MYO3B: variants seen among roughly 807,000 people sequenced by gnomAD.
The protein encoded by MYO3B is myosin IIIB.
MYO3B carries 156 observed loss-of-function variants against 174.6 expected under a neutral mutation model. The observed-to-expected ratio is 0.89, with a 90% CI of 0.78 to 1.02. The LOEUF is 1.02. Among genes scored for constraint, MYO3B ranks in the 50% least tolerant of loss-of-function variants. The pLI is 0.00. For missense variants in MYO3B, 1,632 were observed against 1,639.4 expected (o/e 1.00, Z 0.08); for synonymous variants, 563 against 569.1 (o/e 0.99, Z 0.15).
rs1318548110 is a variant in MYO3B, at chr2:170,231,817, GAT to G, written c.604-4172_604-4171del. ...TGGCAGTGTTAGCCTCTCAGTTTGA[GAT>G]ACTACCCAAAGATCACTTACTTGGA... is the stretch of plus-strand genomic sequence containing the variant. On this transcript the variant is annotated intron_variant, in intron 6 of 34. Coordinates refer to ENST00000408978, the MANE Select transcript of MYO3B (RefSeq NM_138995.5). Among the ~76,000 whole-genome samples the G allele has an allele frequency of 2.6e-5, 4 of 152,200 alleles. No individual in the cohort carries two copies. The East Asian group carries it at 7.7e-4, about 29-fold the overall frequency.
chr2:170,585,937 A>G (rs1693473564), intron 32 of MYO3B, among the ~76,000 whole-genome samples: 2 of 152,216 alleles, frequency 1.3e-5, no homozygotes, highest in South Asian at 4.1e-4. Context: ...GCGTGCCTGT[A>G]GTCCCAGCTA....
chr2:170,631,285 G>A (rs1396287566), intron 32 of MYO3B, among the ~76,000 whole-genome samples: 1 of 152,082 alleles, frequency 6.6e-6, no homozygotes, highest in East Asian at 1.9e-4. Flanking sequence ...CTATCAACTG[G>A]AAGAAAGGGT....
At chr2:170,181,609 T>C (rs760355177) in intron 1 of MYO3B, among the ~76,000 whole-genome samples, 2 of 152,144 alleles carry the variant, frequency 1.3e-5, no homozygotes, top group Non-Finnish European at 2.9e-5. Flanking sequence ...TTTCACTTTC[T>C]AGTCTGTTGA....
intron 32 of MYO3B, among the ~76,000 whole-genome samples, chr2:170,623,673 C>A (rs771913628): frequency 6.6e-6 from 1 of 152,138 alleles, no homozygotes; most frequent in Non-Finnish European, 1.5e-5. Flanking sequence ...AATGGTATTG[C>A]CTAGGTTTTC....
intron 32 of MYO3B, among the ~76,000 whole-genome samples, chr2:170,636,318 T>A (rs984130285): frequency 2.0e-5 from 3 of 151,960 alleles, no homozygotes; most frequent in African/African-American, 7.3e-5. Context: ...GAAGATAACC[T>A]AACTTCCAAG....
At position 170,383,688 on chromosome 2, in the gene MYO3B, C is replaced by A. The variant is rs764221001; in HGVS notation, c.1186-22C>A. Reference sequence around the variant, plus strand: ...TATTAGATGGTCCAGGGGAGAGTTTCCTTTAATTATTTTTCCTTCAGTTTT... The same window carrying A: ...TATTAGATGGTCCAGGGGAGAGTTTACTTTAATTATTTTTCCTTCAGTTTT... On this transcript the variant is annotated intron_variant, in intron 11 of 34. Transcript: ENST00000408978. The A allele has an allele frequency of 2.4e-5, 38 of 1,577,646 alleles. 2 individuals are homozygous for A. The South Asian group carries it at 4.2e-4, about 17-fold the overall frequency.
At chr2:170,570,194 G>A (rs1692345176) in intron 32 of MYO3B, among the ~76,000 whole-genome samples, 1 of 152,194 alleles carries the variant, frequency 6.6e-6, no homozygotes, top group Non-Finnish European at 1.5e-5. Context: ...CTTGGCTGAA[G>A]AAAAAGAGTT....
rs73030708 is a variant in MYO3B at position 170,585,578 on chromosome 2, C to T, written c.3733+41590C>T. On this transcript the variant is annotated intron_variant, in intron 32 of 34. Transcript: ENST00000408978. ...ACACTAGGCACAGGTACTTTCTTGG[C>T]CTGGCCCCCTTGTGAGATCTGTGAG... 4.4e-3 allele frequency among the ~76,000 whole-genome samples: 668 copies of T among 152,234 alleles called. 2 individuals carry two copies. The highest frequency in any genetic ancestry group is 0.015 in the African/African-American group (612 of 41,540).
chr2:170,383,873 T>C, intron 12 of MYO3B, 59 bp downstream of exon 12: 1 of 1,338,256 alleles, frequency 7.5e-7, no homozygotes, highest in Non-Finnish European at 1.1e-6. Flanking sequence ...TGTGTCTTCC[T>C]CGTCAACTCC....
At chr2:170,479,966 T>C (rs1260632524) in intron 25 of MYO3B, among the ~76,000 whole-genome samples, 2 of 148,670 alleles carry the variant, frequency 1.3e-5, no homozygotes, top group African/African-American at 2.4e-5. Context: ...TGTGTATATA[T>C]GTATATGTAT....
At chr2:170,603,983 T>A (rs1450767902) in intron 32 of MYO3B, among the ~76,000 whole-genome samples, 3 of 152,230 alleles carry the variant, frequency 2.0e-5, no homozygotes, top group Non-Finnish European at 4.4e-5. Flanking sequence ...TATAATTGCC[T>A]ACAGTATTTT....
intron 14 of MYO3B, among the ~76,000 whole-genome samples, chr2:170,391,225 A>G (rs2094409581): frequency 6.6e-6 from 1 of 152,136 alleles, no homozygotes; most frequent in African/African-American, 2.4e-5. Context: ...AGCAGAAGGT[A>G]GTAGGCGTTT....
At chr2:170,616,653 G>A (rs1695483839) in intron 32 of MYO3B, among the ~76,000 whole-genome samples, 2 of 152,106 alleles carry the variant, frequency 1.3e-5, no homozygotes, top group Non-Finnish European at 2.9e-5. Context: ...TTTTACACAT[G>A]AACAATAAAC....
At chr2:170,337,019 C>A (rs540648707) in intron 8 of MYO3B, among the ~76,000 whole-genome samples, 1 of 151,434 alleles carries the variant, frequency 6.6e-6, no homozygotes, top group East Asian at 1.9e-4. Flanking sequence ...CCCTTTAGCC[C>A]CACGTTGACA....
chr2:170,624,158 T>G (rs765341606), intron 32 of MYO3B, among the ~76,000 whole-genome samples: 1 of 152,210 alleles, frequency 6.6e-6, no homozygotes, highest in Non-Finnish European at 1.5e-5. Flanking sequence ...ATAAATTACC[T>G]AGGGCAGTAT....
chr2:170,614,401 G>A (rs1237271670), intron 32 of MYO3B, among the ~76,000 whole-genome samples: 1 of 152,070 alleles, frequency 6.6e-6, no homozygotes, highest in African/African-American at 2.4e-5. Flanking sequence ...GGCTCTCTTT[G>A]GAGTAGAGAG....
At chr2:170,362,180 T>C (rs2094166536) in intron 8 of MYO3B, among the ~76,000 whole-genome samples, 1 of 152,206 alleles carries the variant, frequency 6.6e-6, no homozygotes, top group African/African-American at 2.4e-5. Flanking sequence ...GATGTGATAT[T>C]TTGGCTTCAA....
chr2:170,382,194 C>T, intron 10 of MYO3B, 82 bp downstream of exon 10: 2 of 1,109,600 alleles, frequency 1.8e-6, no homozygotes, highest in Non-Finnish European at 2.7e-6. Flanking sequence ...TAGACCATGT[C>T]CTCCTAAGGT....
At chr2:170,551,328 T>TATTTA (rs1252804915) in intron 32 of MYO3B, among the ~76,000 whole-genome samples, 10 of 67,028 alleles carry the variant, frequency 1.5e-4, no homozygotes, top group African/African-American at 2.3e-4. Flanking sequence ...TTTTCATATA[T>TATTTA]ATTTAATTTA....
Sources: gnomAD v4.1 joint callset for allele counts (sites outside exome capture counted in the v4.1 genomes callset) on GRCh38, gnomAD v4.1.1 for gene constraint, MANE v1.5 for transcripts, NCBI Gene and HGNC (gene_info 2026-07-23, HGNC 2026-07-21) for gene names.